Variants in TTLL5 observed in about 807,000 individuals in gnomAD.
TTLL5 encodes the protein tubulin polyglutamylase TTLL5.
In TTLL5, 132 loss-of-function variants were observed where a neutral mutation model predicts 168.4. The observed-to-expected ratio is 0.78, with a 90% confidence interval of 0.68 to 0.91. TTLL5 has a LOEUF of 0.91. Among genes scored for constraint, TTLL5 ranks in the 40% least tolerant of loss-of-function variants. The probability of loss-of-function intolerance (pLI) is 0.00; values close to 1 mark genes in which losing one functional copy is unlikely to be tolerated. For missense variants in TTLL5, 1,545 were observed against 1,581.5 expected (o/e 0.98, Z 0.39); for synonymous variants, 546 against 558.6 (o/e 0.98, Z 0.32).
chr14:75,745,317 A>G, intron 16 of TTLL5, 109 bp downstream of exon 16: 1 of 1,261,992 alleles, frequency 7.9e-7, no homozygotes, highest in Admixed American at 2.2e-5. Flanking sequence ...TTGAAAAGAG[A>G]AAGATTCAAG....
intron 29 of TTLL5, among the ~76,000 whole-genome samples, chr14:75,878,110 T>C (rs2031595731): frequency 2.0e-5 from 3 of 152,316 alleles, no homozygotes; most frequent in Non-Finnish European, 1.5e-5. Context: ...TAGAGGCCTT[T>C]TACTGTATTT....
intron 28 of TTLL5, among the ~76,000 whole-genome samples, chr14:75,850,406 CAAAA>C (rs35336374): frequency 4.3e-4 from 39 of 91,272 alleles, no homozygotes; most frequent in African/African-American, 1.6e-3. Context: ...AACTCCGTCT[CAAAA>C]AAAAAAAAAA....
At chr14:75,829,904 A>G (rs1290283016) in intron 28 of TTLL5, among the ~76,000 whole-genome samples, 1 of 152,190 alleles carries the variant, frequency 6.6e-6, no homozygotes, top group Non-Finnish European at 1.5e-5. Flanking sequence ...GCATATCCGT[A>G]AAGGAGATTT....
rs142427449 is a variant in TTLL5, at chr14:75,766,316, C to T, written c.1963C>T (p.Leu655=). ...GHCCKLETQE[L]EPKFNLMQIL... is the part of the protein sequence containing the mutation. ...CTGCTGCAAACTTGAGACTCAGGAG[C>T]TAGAGCCTAAATTTAACCTGATGCA... The change falls in exon 20 of 32, where the codon CTA becomes TTA. Residue 655 remains leucine, a synonymous_variant. Coordinates refer to ENST00000298832, the MANE Select transcript of TTLL5 (RefSeq NM_015072.5). 3.6e-3 allele frequency: 5,833 copies of T among 1,613,830 alleles called. 12 individuals carry two copies. Among genetic ancestry groups the T allele is most frequent in the Middle Eastern group, 8.6e-3 (52 of 6,062 alleles).
intron 27 of TTLL5, among the ~76,000 whole-genome samples, chr14:75,816,442 C>G (rs373772326): frequency 2.0e-5 from 3 of 152,144 alleles, no homozygotes; most frequent in African/African-American, 7.2e-5. Context: ...AATGCAAGAT[C>G]ATTGCACATA....
chr14:75,706,300 A>T (rs1004167517), intron 7 of TTLL5, among the ~76,000 whole-genome samples: 1 of 152,204 alleles, frequency 6.6e-6, no homozygotes, highest in African/African-American at 2.4e-5. Context: ...TCCTCTACCT[A>T]AATATTAAAC....
chr14:75,675,797 T>A (rs1323278555), intron 3 of TTLL5, among the ~76,000 whole-genome samples: 1 of 152,240 alleles, frequency 6.6e-6, no homozygotes, highest in African/African-American at 2.4e-5. Flanking sequence ...TTAGTCAGGG[T>A]GTTCCAGAGA....
At chr14:75,682,394 T>C (rs1465950866) in intron 4 of TTLL5, among the ~76,000 whole-genome samples, 1 of 152,114 alleles carries the variant, frequency 6.6e-6, no homozygotes, top group Non-Finnish European at 1.5e-5. Flanking sequence ...CCTGCATGGC[T>C]GGCACCGAGG....
chr14:75,777,474 T>C (rs1595021468), intron 23 of TTLL5, among the ~76,000 whole-genome samples: 1 of 152,306 alleles, frequency 6.6e-6, no homozygotes, highest in South Asian at 2.1e-4. Context: ...ATGGAAAATC[T>C]CGATATTCAT....
chr14:75,732,215 C>A, intron 12 of TTLL5, 123 bp from the exon 13 acceptor site: 1 of 645,374 alleles, frequency 1.5e-6, no homozygotes. Context: ...CTTCTACTTC[C>A]ACTTGCTACT....
chr14:75,729,340 G>A (rs981668593), intron 12 of TTLL5, among the ~76,000 whole-genome samples: 6 of 152,110 alleles, frequency 3.9e-5, no homozygotes, highest in African/African-American at 1.4e-4. Context: ...CGTTACTGCT[G>A]CCAAAACACT....
chr14:75,703,226 T>C (rs1047409935), intron 7 of TTLL5, among the ~76,000 whole-genome samples: 1 of 152,202 alleles, frequency 6.6e-6, no homozygotes, highest in Non-Finnish European at 1.5e-5. Context: ...GGAGTTGGTG[T>C]GAGGGCCAAA....
At chr14:75,830,500 CATCCCACA>C (rs1895499536) in intron 28 of TTLL5, among the ~76,000 whole-genome samples, 2 of 152,246 alleles carry the variant, frequency 1.3e-5, no homozygotes, top group South Asian at 4.1e-4. Flanking sequence ...TCAATTTAGC[CATCCCACA>C]ATGTATAACA....
At chr14:75,720,027 T>G (rs1422171072) in intron 11 of TTLL5, among the ~76,000 whole-genome samples, 1 of 152,238 alleles carries the variant, frequency 6.6e-6, no homozygotes, top group African/African-American at 2.4e-5. Flanking sequence ...GTTTCGGGTC[T>G]GAAAGACATA....
At chr14:75,900,889 CT>C (rs1359606440) in intron 30 of TTLL5, among the ~76,000 whole-genome samples, 1 of 152,208 alleles carries the variant, frequency 6.6e-6, no homozygotes, top group African/African-American at 2.4e-5. Context: ...TTAGCACACA[CT>C]TTGTGTTTTA....
chr14:75,905,057 A>G (rs976839064), intron 31 of TTLL5, among the ~76,000 whole-genome samples: 6 of 152,230 alleles, frequency 3.9e-5, no homozygotes, highest in Admixed American at 2.0e-4. Flanking sequence ...GTTCAGAAGG[A>G]TATCCTACAA....
At chr14:75,858,867 G>A (rs1286589614) in intron 28 of TTLL5, among the ~76,000 whole-genome samples, 1 of 152,130 alleles carries the variant, frequency 6.6e-6, no homozygotes, top group Non-Finnish European at 1.5e-5. Context: ...AGCACCACTG[G>A]CATTTTAAGC....
chr14:75,662,506 T>TA (rs967247841), intron 1 of TTLL5, among the ~76,000 whole-genome samples: 2 of 149,944 alleles, frequency 1.3e-5, no homozygotes, highest in Non-Finnish European at 3.0e-5. Context: ...TTGTATTTTT[T>TA]TTTTTTTTTT....
intron 6 of TTLL5, among the ~76,000 whole-genome samples, chr14:75,690,786 A>AT (rs763134793): frequency 6.6e-6 from 1 of 151,928 alleles, no homozygotes; most frequent in African/African-American, 2.4e-5. Flanking sequence ...GGCTCAGCTA[A>AT]TTTTTTAATT....
Sources: allele counts gnomAD v4.1 joint callset (sites outside exome capture counted in the v4.1 genomes callset), GRCh38; gene constraint gnomAD v4.1.1; transcripts MANE v1.5; gene names NCBI Gene and HGNC (gene_info 2026-07-23, HGNC 2026-07-21).